Variants in BCCIP observed in about 807,000 individuals in gnomAD.
The protein encoded by BCCIP is BRCA2 and CDKN1A interacting protein.
Under a neutral mutation model 32.8 loss-of-function variants are expected in BCCIP, and 23 were observed. That is an observed-to-expected ratio of 0.70 (90% CI 0.51 to 0.99). The LOEUF (loss-of-function observed/expected upper bound fraction) is 0.99. BCCIP is among the 50% of genes least tolerant of loss of function. The pLI is 0.00. For missense variants in BCCIP, 378 were observed against 379.8 expected, an observed-to-expected ratio of 1.00 and a Z score of 0.04; for synonymous variants, 144 against 137.6, an observed-to-expected ratio of 1.05 and a Z score of -0.33.
intron 1 of BCCIP, 111 bp downstream of exon 1, chr10:125,823,833 G>A: frequency 1.4e-6 from 2 of 1,424,824 alleles, no homozygotes; most frequent in South Asian, 1.4e-5. Context: ...GGTCTGTGAG[G>A]AGAAACTGGA....
intron 6 of BCCIP, among the ~76,000 whole-genome samples, chr10:125,835,534 A>C (rs747702349): frequency 6.6e-6 from 1 of 150,812 alleles, no homozygotes; most frequent in Non-Finnish European, 1.5e-5. Flanking sequence ...AGCCGAGATC[A>C]CGCCACTGCA....
intron 7 of BCCIP, among the ~76,000 whole-genome samples, chr10:125,852,879 C>A (rs544231546): frequency 1.6e-3 from 241 of 152,290 alleles, no homozygotes; most frequent in Non-Finnish European, 2.3e-3. Flanking sequence ...AACTATGAGA[C>A]CTTTGTGTCA....
At chr10:125,839,967 C>T (rs112150717), downstream of BCCIP, among the ~76,000 whole-genome samples, 5 of 152,222 alleles carry the variant, frequency 3.3e-5, no homozygotes, top group African/African-American at 1.2e-4. Context: ...GCTGGCTCCA[C>T]TGACAACTTT....
At chr10:125,835,412 T>A in intron 6 of BCCIP, among the ~76,000 whole-genome samples, 1 of 151,746 alleles carries the variant, frequency 6.6e-6, no homozygotes. Flanking sequence ...ACGCTGTCTT[T>A]ACTAAAAATA....
chr10:125,831,309 G>A (rs1451754690), intron 4 of BCCIP, 111 bp from the exon 5 acceptor site: 2 of 1,018,598 alleles, frequency 2.0e-6, no homozygotes, highest in African/African-American at 3.2e-5. Flanking sequence ...TTAAGGCTAT[G>A]GCAGGAAACT....
downstream of BCCIP, chr10:125,840,978 T>G (rs1031271369): frequency 1.9e-6 from 3 of 1,602,756 alleles, no homozygotes; most frequent in Non-Finnish European, 2.6e-6. Context: ...ATGTGGCACA[T>G]GTGAAAAGCA....
Position 125,853,515 on chromosome 10 carries a change from A to G in BCCIP, c.*272A>G, listed in dbSNP as rs1022445964. 5.7e-5 allele frequency: 13 copies of G among 227,482 alleles called. 1 individual carries two copies. The Admixed American group carries it at 6.7e-4, about 12-fold the overall frequency. The allele number at this position is 227,482 out of a possible 1,614,324, so 14.1% of individuals were successfully genotyped here. ...AAAATTTGCTAAAATTAAAGTCAGT[A>G]TACTTGAAACAAGTTTCTAGTAAGT... is the stretch of plus-strand genomic sequence containing the variant. On this transcript the variant is annotated 3_prime_UTR_variant, in exon 8 of 8. Coordinates refer to the BCCIP transcript ENST00000368759.
At position 125,834,025 on chromosome 10, in the gene BCCIP, C is replaced by A. The variant is rs1053973309; in HGVS notation, c.774+79C>A. On this transcript the variant is annotated intron_variant, in intron 6 of 6. Transcript: ENST00000278100. The stretch of plus-strand genomic sequence containing the variant: ...GATTTATCAAGATTTATTGTTCTCC[C>A]ACTTTAGGTCCAAGTCTTTCAAGTG... The A allele has an allele frequency of 2.7e-6, 4 of 1,475,992 alleles. No homozygotes were observed. In the East Asian group the frequency reaches 6.8e-5, roughly 25 times the overall value. The allele number at this position is 1,475,992 out of a possible 1,614,324, so 91.4% of individuals were successfully genotyped here.
intron 5 of BCCIP, among the ~76,000 whole-genome samples, chr10:125,833,261 C>G (rs532437426): frequency 2.0e-5 from 3 of 152,052 alleles, no homozygotes; most frequent in African/African-American, 7.2e-5. Context: ...GGCTTTGTTG[C>G]GATTCCATTG....
intron 3 of BCCIP, 53 bp downstream of exon 3, chr10:125,827,691 A>T: frequency 3.0e-6 from 4 of 1,350,752 alleles, no homozygotes; most frequent in Non-Finnish European, 4.2e-6. Context: ...TATTCTGTTC[A>T]TGCTGGGCCT....
intron 3 of BCCIP, 56 bp from the exon 4 acceptor site, chr10:125,830,506 T>C: frequency 1.7e-6 from 2 of 1,196,362 alleles, no homozygotes; most frequent in South Asian, 3.3e-5. Context: ...GACTTGGTTT[T>C]ATACTCTTGG....
At chr10:125,829,086 C>G (rs571241943) in intron 3 of BCCIP, among the ~76,000 whole-genome samples, 1 of 152,128 alleles carries the variant, frequency 6.6e-6, no homozygotes, top group Non-Finnish European at 1.5e-5. Context: ...GCACATTGAT[C>G]CCACCACTCC....
downstream of BCCIP, among the ~76,000 whole-genome samples, chr10:125,844,687 T>C (rs754442471): frequency 7.2e-5 from 11 of 152,358 alleles, no homozygotes; most frequent in Middle Eastern, 3.4e-3. Context: ...GGGGGTTCTT[T>C]AGGGCAGTGC....
At chr10:125,835,649 G>A (rs1479872052) in intron 6 of BCCIP, among the ~76,000 whole-genome samples, 4 of 152,128 alleles carry the variant, frequency 2.6e-5, no homozygotes, top group Non-Finnish European at 5.9e-5. Flanking sequence ...CCATTTGGGG[G>A]GAGTGTGTAT....
chr10:125,830,050 G>C (rs1316356604), intron 3 of BCCIP, among the ~76,000 whole-genome samples: 6 of 152,196 alleles, frequency 3.9e-5, no homozygotes, highest in African/African-American at 1.4e-4. Flanking sequence ...TGTGATAGGT[G>C]TAAGTGGCCC....
intron 7 of BCCIP, among the ~76,000 whole-genome samples, chr10:125,848,893 TAAATG>T (rs1379280448): frequency 2.6e-5 from 4 of 152,206 alleles, no homozygotes; most frequent in Middle Eastern, 3.2e-3. Context: ...CATATTCAGA[TAAATG>T]AAGTGAAGCA....
chr10:125,837,924 A>G (rs191435852), downstream of BCCIP, among the ~76,000 whole-genome samples: 11 of 152,254 alleles, frequency 7.2e-5, no homozygotes, highest in Admixed American at 2.0e-4. Context: ...CTCAAGGTCA[A>G]TGCACCTGTA....
chr10:125,824,183 G>A (rs1454243146), intron 1 of BCCIP, among the ~76,000 whole-genome samples: 20 of 152,150 alleles, frequency 1.3e-4, no homozygotes, highest in Admixed American at 6.5e-5. Context: ...TCTTTATCCT[G>A]CAGTTTTCCC....
chr10:125,829,833 T>G (rs1165716885), intron 3 of BCCIP, among the ~76,000 whole-genome samples: 1 of 152,256 alleles, frequency 6.6e-6, no homozygotes, highest in African/African-American at 2.4e-5. Flanking sequence ...AATGGCAGGA[T>G]TCACTCTTTA....
Sources: allele counts gnomAD v4.1 joint callset (sites outside exome capture counted in the v4.1 genomes callset), GRCh38; gene constraint gnomAD v4.1.1; transcripts MANE v1.5; gene names NCBI Gene and HGNC (gene_info 2026-07-23, HGNC 2026-07-21).